Variants in PLB1 observed in about 807,000 individuals in gnomAD.
PLB1 encodes phospholipase B1, membrane-associated.
PLB1 carries 242 observed loss-of-function variants against 227.4 expected under a neutral mutation model. The ratio of observed to expected loss-of-function variants is 1.06; its 90% confidence interval spans 0.96 to 1.18. PLB1 has a LOEUF of 1.18. Among genes scored for constraint, PLB1 ranks in the 50% most tolerant of loss-of-function variants. PLB1 has a pLI of 0.00. For synonymous variants in PLB1, 757 were observed against 682.2 expected (o/e 1.11, Z -1.71); for missense variants, 1,858 against 1,816.3 (o/e 1.02, Z -0.42).
At chr2:28,602,588 G>A (rs1684079238) in intron 38 of PLB1, among the ~76,000 whole-genome samples, 1 of 152,192 alleles carries the variant, frequency 6.6e-6, no homozygotes. Flanking sequence ...AGTCTTTATT[G>A]TCCCACTCCA....
chr2:28,627,584 T>G (rs1687980745), intron 51 of PLB1, among the ~76,000 whole-genome samples: 1 of 152,174 alleles, frequency 6.6e-6, no homozygotes, highest in South Asian at 2.1e-4. Flanking sequence ...TTTTAACTCT[T>G]CGGCATGGAT....
Position 28,604,309 on chromosome 2 carries a change from C to T in PLB1, c.2856+262C>T, listed in dbSNP as rs530041723. 1.8e-4 allele frequency among the ~76,000 whole-genome samples: 28 copies of T among 152,330 alleles called. 1 individual carries two copies. The highest frequency in any genetic ancestry group is 6.3e-4 in the African/African-American group (26 of 41,586). Reference sequence around the variant, plus strand: ...GAGGGCTTAACCCCAACTCCTGGCCCGTAGCCCTGGATGCCTCATGAGACC... The same window carrying T: ...GAGGGCTTAACCCCAACTCCTGGCCTGTAGCCCTGGATGCCTCATGAGACC... On this transcript the variant is annotated intron_variant, in intron 40 of 57. Coordinates refer to ENST00000327757, the MANE Select transcript of PLB1 (RefSeq NM_153021.5).
At chr2:28,522,015 C>A (rs1047177215) in intron 4 of PLB1, among the ~76,000 whole-genome samples, 2 of 152,076 alleles carry the variant, frequency 1.3e-5, no homozygotes, top group Non-Finnish European at 2.9e-5. Flanking sequence ...ATGCACAGTG[C>A]CAGTCCACTC....
intron 21 of PLB1, among the ~76,000 whole-genome samples, chr2:28,574,851 T>G (rs954476210): frequency 1.3e-5 from 2 of 152,238 alleles, no homozygotes; most frequent in Non-Finnish European, 2.9e-5. Flanking sequence ...ATTATTTCAT[T>G]CCTTTTTATG....
rs554245610 is a variant in PLB1 at position 28,641,533 on chromosome 2, G to A, written c.4173+532G>A. The stretch of plus-strand genomic sequence containing the variant: ...TGAGGCAGGAGAATCACTTGAACCC[G>A]GGAGGCAGAGGTTGCAGTGAGCTGA... On this transcript the variant is annotated intron_variant, in intron 57 of 57. Coordinates refer to ENST00000327757, the MANE Select transcript of PLB1 (RefSeq NM_153021.5). Among the ~76,000 whole-genome samples, 7 of 152,270 alleles carry A rather than the reference G, an allele frequency of 4.6e-5. No individual in the cohort carries two copies. The East Asian group carries it at 5.8e-4, about 13-fold the overall frequency.
chr2:28,620,360 TTGA>T (rs1283234899), intron 47 of PLB1, 28 bp downstream of exon 47: 1 of 1,559,762 alleles, frequency 6.4e-7, no homozygotes, highest in East Asian at 2.3e-5. Context: ...GCATGCTCTA[TTGA>T]TGATGCTCTC....
In PLB1 at chr2:28,561,005, G is replaced by C. The variant is rs60987182; in HGVS notation, c.1148-2036G>C. Reference sequence around the variant, plus strand: ...CGATCTCGCTCTCCCTCATCCTCCTGTTATTCCTGAGGCTTAATTCAAATG... The same window carrying C: ...CGATCTCGCTCTCCCTCATCCTCCTCTTATTCCTGAGGCTTAATTCAAATG... On this transcript the variant is annotated intron_variant, in intron 17 of 57. Coordinates refer to ENST00000327757, the MANE Select transcript of PLB1 (RefSeq NM_153021.5). Among the ~76,000 whole-genome samples the C allele has an allele frequency of 6.7e-3, 1,021 of 152,280 alleles. 15 individuals are homozygous for C. The highest frequency in any genetic ancestry group is 0.023 in the African/African-American group (976 of 41,560).
intron 56 of PLB1, among the ~76,000 whole-genome samples, chr2:28,639,659 T>A (rs987324448): frequency 6.6e-6 from 1 of 152,238 alleles, no homozygotes; most frequent in Non-Finnish European, 1.5e-5. Context: ...CACGATCATC[T>A]TCTGTGTGAA....
intron 43 of PLB1, among the ~76,000 whole-genome samples, chr2:28,608,758 C>A (rs1188383270): frequency 6.6e-6 from 1 of 152,140 alleles, no homozygotes; most frequent in Non-Finnish European, 1.5e-5. Flanking sequence ...ACCACCTCCC[C>A]CTTGAAATTC....
intron 9 of PLB1, among the ~76,000 whole-genome samples, chr2:28,536,451 C>T (rs1249777167): frequency 2.0e-5 from 3 of 152,158 alleles, no homozygotes; most frequent in Non-Finnish European, 4.4e-5. Context: ...AGAAAACAGA[C>T]ACATTTATCC....
chr2:28,628,500 G>C (rs1226607653), intron 51 of PLB1, 63 bp from the exon 52 acceptor site: 2 of 1,483,082 alleles, frequency 1.3e-6, no homozygotes, highest in Non-Finnish European at 1.9e-6. Context: ...GCCCTCCTAT[G>C]CTCTTGCCAT....
At chr2:28,614,164 G>T in intron 44 of PLB1, 68 bp downstream of exon 44, 2 of 1,419,470 alleles carry the variant, frequency 1.4e-6, no homozygotes, top group Non-Finnish European at 2.0e-6. Flanking sequence ...GCTCGGGTGT[G>T]GTACAGGTTT....
At chr2:28,622,030 C>A (rs537285487) in intron 49 of PLB1, among the ~76,000 whole-genome samples, 3 of 152,262 alleles carry the variant, frequency 2.0e-5, no homozygotes, top group East Asian at 3.9e-4. Flanking sequence ...AAGTCAGTGG[C>A]CAGGGAAGTA....
chr2:28,507,745 G>A (rs558854938), intron 1 of PLB1, among the ~76,000 whole-genome samples: 2 of 152,308 alleles, frequency 1.3e-5, no homozygotes, highest in South Asian at 4.2e-4. Context: ...GGGGCACAGG[G>A]TGTATGATAT....
chr2:28,582,515 A>T lies in PLB1; in HGVS notation c.1733+10A>T. The T allele has an allele frequency of 6.3e-7, 1 of 1,582,584 alleles. No individual in the cohort carries two copies. Among genetic ancestry groups the T allele is most frequent in the African/African-American group, 1.3e-5 (1 of 74,266 alleles). On this transcript the variant is annotated intron_variant, in intron 25 of 57. Transcript: ENST00000327757. ...CAAGGATGATCCTCAGGTCAGACAG[A>T]TACTTCTCCCCGATTCTACTAAGAA...
At chr2:28,628,245 G>A (rs1197948399) in intron 51 of PLB1, among the ~76,000 whole-genome samples, 2 of 152,232 alleles carry the variant, frequency 1.3e-5, no homozygotes, top group African/African-American at 4.8e-5. Flanking sequence ...GCTGAGGTCA[G>A]ATGACGGATG....
chr2:28,618,678 G>T (rs1038738016), intron 46 of PLB1, among the ~76,000 whole-genome samples: 2 of 152,272 alleles, frequency 1.3e-5, no homozygotes, highest in Non-Finnish European at 1.5e-5. Flanking sequence ...CGTTTTGTTG[G>T]TGTGTGATGG....
intron 43 of PLB1, among the ~76,000 whole-genome samples, chr2:28,609,670 T>C (rs759758278): frequency 3.9e-5 from 6 of 152,102 alleles, no homozygotes; most frequent in Non-Finnish European, 7.4e-5. Flanking sequence ...AAAAAATAAT[T>C]TTCTGAGCAA....
At chr2:28,618,877 C>T (rs763542083) in intron 46 of PLB1, among the ~76,000 whole-genome samples, 2 of 152,168 alleles carry the variant, frequency 1.3e-5, no homozygotes, top group Non-Finnish European at 2.9e-5. Flanking sequence ...TCGCCAATTA[C>T]TTAGCCATTG....
Sources: allele counts gnomAD v4.1 joint callset (sites outside exome capture counted in the v4.1 genomes callset), GRCh38; gene constraint gnomAD v4.1.1; transcripts MANE v1.5; gene names NCBI Gene and HGNC (gene_info 2026-07-23, HGNC 2026-07-21).